GLRA2: variants seen among roughly 807,000 people sequenced by gnomAD.
GLRA2 encodes glycine receptor subunit alpha-2.
GLRA2 carries 11 observed loss-of-function variants against 31.6 expected under a neutral mutation model. The observed-to-expected ratio is 0.35, with a 90% CI of 0.22 to 0.58. The LOEUF (loss-of-function observed/expected upper bound fraction) is 0.58, where lower values mean the gene tolerates loss of function less well. Ranked by LOEUF, GLRA2 falls within the 20% of genes least tolerant of loss-of-function variation. The pLI is 0.84. For missense variants in GLRA2, 212 were observed against 351.8 expected, an observed-to-expected ratio of 0.60 and a Z score of 3.18; for synonymous variants, 132 against 134.0, an observed-to-expected ratio of 0.99 and a Z score of 0.10.
intron 2 of GLRA2, among the ~76,000 whole-genome samples, chrX:14,546,387 G>A (rs950003534): frequency 1.8e-4 from 20 of 111,086 alleles, no homozygotes; most frequent in South Asian, 3.8e-4. Context: ...CCCAGCAGGC[G>A]GCTTCCTGTT....
intron 7 of GLRA2, among the ~76,000 whole-genome samples, chrX:14,666,324 C>T (rs970991209): frequency 8.9e-6 from 1 of 111,795 alleles, no homozygotes; most frequent in African/African-American, 3.2e-5. Context: ...ATAATTTTGC[C>T]TGGCTTTCTG....
chrX:14,449,185 G>A, the GLRA2 span, among the ~76,000 whole-genome samples: 12 of 111,958 alleles, frequency 1.1e-4, no homozygotes, highest in African/African-American at 3.9e-4. Context: ...TTGATAGAGA[G>A]GAGATGCAGA....
chrX:14,683,644 T>C (rs550252700), intron 7 of GLRA2, among the ~76,000 whole-genome samples: 37 of 111,916 alleles, frequency 3.3e-4, no homozygotes, highest in African/African-American at 1.1e-3. Context: ...CTAATGGTAT[T>C]GCCTAGGTTT....
intron 7 of GLRA2, among the ~76,000 whole-genome samples, chrX:14,616,981 A>C (rs892151989): frequency 9.0e-6 from 1 of 111,572 alleles, no homozygotes; most frequent in Non-Finnish European, 1.9e-5. Context: ...TGTGAAAAAA[A>C]TATGCAAAGA....
chrX:14,531,737 G>A (rs897897662), intron 1 of GLRA2, among the ~76,000 whole-genome samples: 4 of 111,133 alleles, frequency 3.6e-5, no homozygotes, highest in African/African-American at 1.3e-4. Context: ...TTGATAGTTG[G>A]ATTAGAACTA....
At chrX:14,552,782 C>G (rs1016422728) in intron 2 of GLRA2, among the ~76,000 whole-genome samples, 7 of 111,903 alleles carry the variant, frequency 6.3e-5, no homozygotes, top group Non-Finnish European at 7.5e-5. Flanking sequence ...AGAGGGCTTG[C>G]TTTTCTATAG....
intron 1 of GLRA2, among the ~76,000 whole-genome samples, chrX:14,531,883 T>TTAAGACAA (rs1432982111): frequency 9.0e-6 from 1 of 111,475 alleles, no homozygotes; most frequent in African/African-American, 3.2e-5. Flanking sequence ...AGAAATGATT[T>TTAAGACAA]TAAGACAATC....
At chrX:14,531,946 A>G (rs1241116052) in intron 1 of GLRA2, among the ~76,000 whole-genome samples, 1 of 111,783 alleles carries the variant, frequency 8.9e-6, no homozygotes, top group Non-Finnish European at 1.9e-5. Context: ...TTAACTATAT[A>G]TACATAAAAT....
At chrX:14,502,674 C>T in the GLRA2 span, among the ~76,000 whole-genome samples, 6 of 110,897 alleles carry the variant, frequency 5.4e-5, no homozygotes, top group African/African-American at 2.0e-4. Context: ...ATTTCTGTTT[C>T]AAAACACTTT....
intron 7 of GLRA2, among the ~76,000 whole-genome samples, chrX:14,632,418 T>C (rs778589763): frequency 9.0e-5 from 10 of 111,652 alleles, no homozygotes; most frequent in African/African-American, 2.9e-4. Context: ...CATTAGCTTG[T>C]AAATGCTTAG....
chrX:14,481,247 C>T, the GLRA2 span, among the ~76,000 whole-genome samples: 1 of 111,410 alleles, frequency 9.0e-6, no homozygotes, highest in Admixed American at 9.6e-5. Flanking sequence ...CTGAAGTCCT[C>T]ACTTTGATTC....
chrX:14,625,427 A>T (rs1030401089), intron 7 of GLRA2, among the ~76,000 whole-genome samples: 10 of 111,616 alleles, frequency 9.0e-5, no homozygotes, highest in Non-Finnish European at 1.7e-4. Flanking sequence ...TAGTTGATGC[A>T]GTTTCTTCCT....
At chrX:14,569,265 A>AAAAC (rs377412396) in intron 2 of GLRA2, among the ~76,000 whole-genome samples, 2 of 112,015 alleles carry the variant, frequency 1.8e-5, no homozygotes, top group East Asian at 5.5e-4. Context: ...AAAAAAGAAA[A>AAAAC]AAACAAACAA....
At chrX:14,582,734 A>C (rs2090036415) in intron 4 of GLRA2, among the ~76,000 whole-genome samples, 1 of 112,119 alleles carries the variant, frequency 8.9e-6, no homozygotes, top group Non-Finnish European at 1.9e-5. Context: ...TGTGTGAATG[A>C]GTAATGTAGT....
At chrX:14,728,957 GTTC>G (rs766809018) in intron 8 of GLRA2, among the ~76,000 whole-genome samples, 22 of 112,231 alleles carry the variant, frequency 2.0e-4, no homozygotes, top group Non-Finnish European at 3.8e-4. Flanking sequence ...AACTGAAATA[GTTC>G]TTCTCACCTT....
At chrX:14,462,336 C>A in the GLRA2 span, among the ~76,000 whole-genome samples, 8 of 110,714 alleles carry the variant, frequency 7.2e-5, no homozygotes, top group Admixed American at 7.7e-4. Context: ...TGGGGTTGCT[C>A]TTCTCGAGGA....
intron 7 of GLRA2, among the ~76,000 whole-genome samples, chrX:14,651,021 C>T (rs776011228): frequency 1.8e-5 from 2 of 112,028 alleles, no homozygotes; most frequent in East Asian, 5.6e-4. Flanking sequence ...ATGTCCTTTG[C>T]TTATTATGAC....
intron 2 of GLRA2, among the ~76,000 whole-genome samples, chrX:14,537,742 G>A (rs926582392): frequency 1.8e-5 from 2 of 110,452 alleles, no homozygotes; most frequent in African/African-American, 6.6e-5. Flanking sequence ...GTCTGGCACT[G>A]GGGAAGAATA....
At chrX:14,562,482 A>T (rs925227213) in intron 2 of GLRA2, among the ~76,000 whole-genome samples, 1 of 111,910 alleles carries the variant, frequency 8.9e-6, no homozygotes, top group African/African-American at 3.2e-5. Context: ...TAACCTTTCT[A>T]TAGGCTACCA....
Sources: gnomAD v4.1 joint callset for allele counts (sites outside exome capture counted in the v4.1 genomes callset) on GRCh38, gnomAD v4.1.1 for gene constraint, MANE v1.5 for transcripts, NCBI Gene and HGNC (gene_info 2026-07-23, HGNC 2026-07-21) for gene names.